NSMCE2: variants seen among roughly 807,000 people sequenced by gnomAD.
The protein encoded by NSMCE2 is NSE2 SUMO ligase component of SMC5/6 complex, also known as E3 SUMO-protein ligase NSE2.
Under a neutral mutation model 23.8 loss-of-function variants are expected in NSMCE2, and 24 were observed. That is an observed-to-expected ratio of 1.01 (90% CI 0.73 to 1.42). The LOEUF (loss-of-function observed/expected upper bound fraction) is 1.42. Among genes scored for constraint, NSMCE2 ranks in the 40% most tolerant of loss-of-function variants. The pLI is 0.00. For missense variants in NSMCE2, 284 were observed against 296.5 expected, an observed-to-expected ratio of 0.96 and a Z score of 0.31; for synonymous variants, 92 against 94.1, an observed-to-expected ratio of 0.98 and a Z score of 0.13.
At chr8:125,120,753 T>C (rs1819226854) in intron 3 of NSMCE2, among the ~76,000 whole-genome samples, 1 of 152,182 alleles carries the variant, frequency 6.6e-6, no homozygotes, top group Non-Finnish European at 1.5e-5. Context: ...GAACCTAGTT[T>C]GGAGGAGAAC....
intron 5 of NSMCE2, among the ~76,000 whole-genome samples, chr8:125,317,386 G>A (rs974967525): frequency 3.3e-5 from 5 of 151,702 alleles, no homozygotes; most frequent in Non-Finnish European, 7.4e-5. Context: ...TTGTAAAGAT[G>A]GGGTTTTGCC....
chr8:125,142,496 C>G (rs1820428284), intron 3 of NSMCE2, among the ~76,000 whole-genome samples: 1 of 152,140 alleles, frequency 6.6e-6, no homozygotes, highest in South Asian at 2.1e-4. Context: ...GAGGATTTCT[C>G]CCATATTCAC....
chr8:125,187,395 G>A (rs1272120166), intron 5 of NSMCE2, among the ~76,000 whole-genome samples: 1 of 152,282 alleles, frequency 6.6e-6, no homozygotes. Context: ...GAAACAATAT[G>A]ATTCGGTTTA....
At chr8:125,299,647 C>T (rs1015540223) in intron 5 of NSMCE2, among the ~76,000 whole-genome samples, 4 of 151,942 alleles carry the variant, frequency 2.6e-5, no homozygotes, top group African/African-American at 4.8e-5. Flanking sequence ...ATATTAAGCA[C>T]CCCTAAGGAA....
chr8:125,271,273 A>AG (rs1245646874), intron 5 of NSMCE2, among the ~76,000 whole-genome samples: 2 of 151,958 alleles, frequency 1.3e-5, no homozygotes, highest in Admixed American at 1.3e-4. Context: ...AAAAAAAAAA[A>AG]AAGTATTACT....
rs1336618738 is a variant in NSMCE2 at position 125,326,848 on chromosome 8, C to T, written c.419-30371C>T. Among the ~76,000 whole-genome samples the T allele has an allele frequency of 2.0e-5, 3 of 151,192 alleles. No homozygotes were observed. In the East Asian group the frequency reaches 5.9e-4, roughly 30 times the overall value. ...GCGGGCACTTGTAATCCCAACTACTCAGGAGACTGAGTCAGGAGAATCACT... is the reference window on the plus strand; with the variant it reads ...GCGGGCACTTGTAATCCCAACTACTTAGGAGACTGAGTCAGGAGAATCACT... On this transcript the variant is annotated intron_variant, in intron 5 of 7. Coordinates refer to ENST00000287437, the MANE Select transcript of NSMCE2 (RefSeq NM_173685.4).
chr8:125,195,955 C>G (rs1274076689), intron 5 of NSMCE2, among the ~76,000 whole-genome samples: 1 of 130,448 alleles, frequency 7.7e-6, no homozygotes, highest in African/African-American at 3.0e-5. Flanking sequence ...GGTGTGATCT[C>G]GGCTCACTGC....
At chr8:125,230,621 A>T (rs1825286105) in intron 5 of NSMCE2, among the ~76,000 whole-genome samples, 1 of 152,308 alleles carries the variant, frequency 6.6e-6, no homozygotes, top group South Asian at 2.1e-4. Context: ...TCAACACCAG[A>T]TGAATAGTAG....
At chr8:125,322,460 A>G (rs1829494912) in intron 5 of NSMCE2, among the ~76,000 whole-genome samples, 1 of 152,252 alleles carries the variant, frequency 6.6e-6, no homozygotes, top group Non-Finnish European at 1.5e-5. Flanking sequence ...CAAACAGAAT[A>G]GAAGGGAACT....
intron 4 of NSMCE2, among the ~76,000 whole-genome samples, chr8:125,158,232 T>C (rs1369245501): frequency 1.3e-5 from 2 of 152,112 alleles, no homozygotes; most frequent in African/African-American, 4.8e-5. Context: ...GCCTTAAAGA[T>C]GTTTCCATGT....
chr8:125,163,049 A>G (rs190832886), intron 4 of NSMCE2, among the ~76,000 whole-genome samples: 129 of 152,240 alleles, frequency 8.5e-4, no homozygotes, highest in Non-Finnish European at 8.1e-4. Flanking sequence ...GTATATAGCA[A>G]TGAAGAAAGA....
At chr8:125,255,712 T>C (rs534880607) in intron 5 of NSMCE2, among the ~76,000 whole-genome samples, 49 of 152,214 alleles carry the variant, frequency 3.2e-4, no homozygotes, top group Non-Finnish European at 5.6e-4. Flanking sequence ...TGAAGACATA[T>C]TGTGTACACA....
intron 5 of NSMCE2, among the ~76,000 whole-genome samples, chr8:125,304,468 G>A (rs555566025): frequency 2.6e-5 from 4 of 152,236 alleles, no homozygotes; most frequent in Non-Finnish European, 5.9e-5. Context: ...GCAAGGAAAC[G>A]AGACAGCAAG....
rs1279638113 is a variant in NSMCE2 at position 125,223,125 on chromosome 8, A to G, written c.418+40869A>G. Among the ~76,000 whole-genome samples the G allele has an allele frequency of 2.0e-5, 3 of 151,830 alleles. No individual in the cohort carries two copies. The East Asian group carries it at 5.8e-4, about 29-fold the overall frequency. On this transcript the variant is annotated intron_variant, in intron 5 of 7. Coordinates refer to ENST00000287437, the MANE Select transcript of NSMCE2 (RefSeq NM_173685.4). ...TCACACCTGTAATACCAGCACTTTG[A>G]GAGGCTGAGGCAGGCAGCTCAGGAG...
chr8:125,331,611 C>T (rs1448865690), intron 5 of NSMCE2, among the ~76,000 whole-genome samples: 7 of 151,846 alleles, frequency 4.6e-5, no homozygotes, highest in Non-Finnish European at 7.4e-5. Context: ...ACAAAATAAC[C>T]AGATTCTTTT....
intron 5 of NSMCE2, among the ~76,000 whole-genome samples, chr8:125,221,285 A>C (rs768675078): frequency 6.6e-6 from 1 of 152,194 alleles, no homozygotes; most frequent in East Asian, 1.9e-4. Context: ...TCACTTTGTC[A>C]CCCATGCTGA....
chr8:125,181,700 CAA>C (rs72131110), intron 4 of NSMCE2, among the ~76,000 whole-genome samples: 8 of 132,224 alleles, frequency 6.1e-5, no homozygotes, highest in Admixed American at 7.6e-5. Context: ...GGTGGAGGGC[CAA>C]AAAAAAAAAA....
intron 5 of NSMCE2, among the ~76,000 whole-genome samples, chr8:125,350,485 G>A (rs544804454): frequency 2.0e-5 from 3 of 152,230 alleles, no homozygotes; most frequent in African/African-American, 4.8e-5. Context: ...GAGAGGTTGC[G>A]TATTAATCCA....
chr8:125,246,156 C>T (rs1030061601), intron 5 of NSMCE2, among the ~76,000 whole-genome samples: 1 of 152,024 alleles, frequency 6.6e-6, no homozygotes, highest in Non-Finnish European at 1.5e-5. Context: ...ACAATTCAAT[C>T]TGCAAAATGA....
Sources: allele counts gnomAD v4.1 joint callset (sites outside exome capture counted in the v4.1 genomes callset), GRCh38; gene constraint gnomAD v4.1.1; transcripts MANE v1.5; gene names NCBI Gene and HGNC (gene_info 2026-07-23, HGNC 2026-07-21).